The following ATM variants were observed in gnomAD, a reference collection of about 807,000 sequenced individuals.
The protein encoded by ATM is serine-protein kinase ATM.
Under a neutral mutation model 387.0 loss-of-function variants are expected in ATM, and 308 were observed. The observed-to-expected ratio is 0.80, with a 90% CI of 0.73 to 0.87. ATM has a LOEUF of 0.87. Among genes scored for constraint, ATM ranks in the 40% least tolerant of loss-of-function variants. The probability of loss-of-function intolerance (pLI) is 0.00; values close to 1 mark genes in which losing one functional copy is unlikely to be tolerated. For synonymous variants in ATM, 1,156 were observed against 1,187.3 expected (o/e 0.97, Z 0.54); for missense variants, 3,312 against 3,560.9 (o/e 0.93, Z 1.78).
intron 60 of ATM, 63 bp from the exon 61 acceptor site, chr11:108,354,744 CAGAT>C (rs1329159257): frequency 7.6e-7 from 1 of 1,318,372 alleles, no homozygotes; most frequent in East Asian, 2.3e-5. Context: ...TGAGAGTATA[CAGAT>C]AAAGATACGT....
chr11:108,268,077 G>C (rs984282198), intron 17 of ATM, among the ~76,000 whole-genome samples: 8 of 151,886 alleles, frequency 5.3e-5, no homozygotes, highest in African/African-American at 1.9e-4. Flanking sequence ...CTTTTTAATG[G>C]CTTCACCATT....
At chr11:108,344,522 G>C (rs774168947) in intron 57 of ATM, among the ~76,000 whole-genome samples, 5 of 152,148 alleles carry the variant, frequency 3.3e-5, no homozygotes, top group Non-Finnish European at 5.9e-5. Flanking sequence ...AGACCCTAAA[G>C]GATAGTAATA....
At chr11:108,332,707 G>A (rs2086392933) in intron 52 of ATM, 55 bp from the exon 53 acceptor site, 6 of 1,569,478 alleles carry the variant, frequency 3.8e-6, no homozygotes, top group Non-Finnish European at 5.2e-6. Flanking sequence ...CTAACTCTGA[G>A]AAGTTTAAAT....
intron 47 of ATM, 39 bp downstream of exon 47, chr11:108,326,264 T>G: frequency 6.2e-7 from 1 of 1,610,628 alleles, no homozygotes; most frequent in South Asian, 1.1e-5. Context: ...GTTTTACTGT[T>G]ATTTAAAAAA....
chr11:108,253,971 C>A lies in ATM; in HGVS notation c.2056C>A (p.Leu686Ile), dbSNP rs1335638362. ...TATTGGCTTCTCTGTCCACCAGAAT[C>A]TCAAGGAATCACTGGATCGCTGTCT... ...SSIGFSVHQN[L>I]KESLDRCLLG... Residue 686 changes from leucine (L) to isoleucine (I), a missense_variant, in exon 13 of 63, where the codon CTC becomes ATC. Leu to Ile is a conservative substitution (Grantham distance 5). This residue lies in a region of ATM where 1,791 missense variants were observed against 1,804.5 expected (regional missense o/e 0.99). Transcript: ENST00000675843. 5 of 1,614,058 alleles carry A rather than the reference C, an allele frequency of 3.1e-6. No individual in the cohort carries two copies. In the East Asian group the frequency reaches 6.7e-5, roughly 22 times the overall value.
At chr11:108,247,843 A>C (rs548596468) in intron 8 of ATM, among the ~76,000 whole-genome samples, 13 of 151,128 alleles carry the variant, frequency 8.6e-5, no homozygotes, top group African/African-American at 3.2e-4. Context: ...ATCCTCCTGC[A>C]TCGGCCTCCC....
At chr11:108,284,183 G>C (rs774039409) in intron 25 of ATM, 44 bp from the exon 26 acceptor site, 1 of 1,456,584 alleles carries the variant, frequency 6.9e-7, no homozygotes, top group East Asian at 2.5e-5. Context: ...ATTTTACTTG[G>C]AAAAGTTATA....
In ATM at chr11:108,353,806, G is replaced by C. The variant is rs1349488841; in HGVS notation, c.8712G>C (p.Glu2904Asp). The stretch of plus-strand genomic sequence containing the variant: ...AGGGCAAAATCCTTCCTACTCCTGA[G>C]ACAGTTCCTTTTAGACTCACCAGAG... ...FEQGKILPTPETVPFRLTRDI... is the reference protein window; with the variant it reads ...FEQGKILPTPDTVPFRLTRDI... The change falls in exon 60 of 63, where the codon GAG becomes GAC. Residue 2904 changes from glutamate (E) to aspartate (D), a missense_variant. Transcript: ENST00000675843. The C allele has an allele frequency of 6.2e-7, 1 of 1,614,078 alleles. No homozygotes were observed. Among genetic ancestry groups the C allele is most frequent in the Middle Eastern group, 1.6e-4 (1 of 6,062 alleles).
chr11:108,365,047 A>C (rs901185339), intron 61 of ATM, 35 bp from the exon 62 acceptor site: 2 of 1,609,410 alleles, frequency 1.2e-6, no homozygotes, highest in East Asian at 2.2e-5. Flanking sequence ...TAAAATGTAC[A>C]TTGTTCTTTT....
At chr11:108,242,032 T>A (rs1472170828) in intron 5 of ATM, among the ~76,000 whole-genome samples, 1 of 152,008 alleles carries the variant, frequency 6.6e-6, no homozygotes, top group Non-Finnish European at 1.5e-5. Flanking sequence ...TCGATGTCTT[T>A]TTATGGCTTG....
intron 22 of ATM, among the ~76,000 whole-genome samples, chr11:108,278,965 G>T (rs988034927): frequency 1.5e-4 from 23 of 152,094 alleles, no homozygotes; most frequent in African/African-American, 5.6e-4. Flanking sequence ...TAAAAGCTTC[G>T]ATTACTAAAA....
At chr11:108,289,863 T>G (rs2135768413) in intron 29 of ATM, 62 bp downstream of exon 29, 1 of 1,522,802 alleles carries the variant, frequency 6.6e-7, no homozygotes, top group Non-Finnish European at 9.0e-7. Context: ...CCTGTTTTTT[T>G]GCTTTGTTTT....
At chr11:108,300,881 T>C (rs985888128) in intron 34 of ATM, among the ~76,000 whole-genome samples, 17 of 143,568 alleles carry the variant, frequency 1.2e-4, no homozygotes, top group Admixed American at 2.1e-4. Flanking sequence ...TCTCTCTCTT[T>C]TTTTTTTTTT....
intron 48 of ATM, 131 bp from the exon 49 acceptor site, chr11:108,328,890 T>C (rs1439512647): frequency 1.4e-5 from 14 of 1,024,728 alleles, no homozygotes; most frequent in Admixed American, 2.3e-5. Flanking sequence ...AAGTTTGCAA[T>C]AGTTCATATA....
chr11:108,270,762 C>T (rs2081529313), intron 18 of ATM, among the ~76,000 whole-genome samples: 1 of 152,128 alleles, frequency 6.6e-6, no homozygotes, highest in African/African-American at 2.4e-5. Flanking sequence ...GTGGCGCGAT[C>T]TCGGCTCACT....
intron 37 of ATM, among the ~76,000 whole-genome samples, chr11:108,306,558 A>G (rs2083702488): frequency 6.6e-6 from 1 of 152,292 alleles, no homozygotes; most frequent in African/African-American, 2.4e-5. Flanking sequence ...TCACTTATGT[A>G]TTTATGTCAC....
chr11:108,240,716 G>C (rs868513717), intron 5 of ATM, among the ~76,000 whole-genome samples: 2 of 152,228 alleles, frequency 1.3e-5, no homozygotes, highest in Non-Finnish European at 1.5e-5. Context: ...CATGAATGGA[G>C]CTTGCAGGAC....
At chr11:108,358,684 C>G (rs1384895230) in intron 61 of ATM, among the ~76,000 whole-genome samples, 1 of 149,198 alleles carries the variant, frequency 6.7e-6, no homozygotes, top group Non-Finnish European at 1.5e-5. Flanking sequence ...AATTTCATAT[C>G]CAGCCAAACT....
intron 61 of ATM, among the ~76,000 whole-genome samples, chr11:108,357,682 C>T (rs1464165625): frequency 6.6e-6 from 1 of 152,184 alleles, no homozygotes; most frequent in Non-Finnish European, 1.5e-5. Flanking sequence ...CCAGCAGGGG[C>T]ACACTGACAC....
Sources: allele counts gnomAD v4.1 joint callset (sites outside exome capture counted in the v4.1 genomes callset), GRCh38; gene constraint gnomAD v4.1.1; regional missense constraint gnomAD v4.1.1; transcripts MANE v1.5; gene names NCBI Gene and HGNC (gene_info 2026-07-23, HGNC 2026-07-21).